The following FN1 variants were observed in gnomAD, a reference collection of about 807,000 sequenced individuals.
The protein encoded by FN1 is fibronectin.
A neutral mutation model predicts 297.3 loss-of-function variants in FN1; 106 were observed. The observed-to-expected ratio is 0.36, with a 90% CI of 0.30 to 0.42. FN1 has a LOEUF of 0.42. FN1 is among the 10% of genes least tolerant of loss of function. The probability of loss-of-function intolerance (pLI) is 1.00; values close to 1 mark genes in which losing one functional copy is unlikely to be tolerated. For synonymous variants in FN1, 1,149 were observed against 1,152.6 expected (o/e 1.00, Z 0.06); for missense variants, 2,690 against 3,124.9 (o/e 0.86, Z 3.32).
chr2:215,363,055 AT>A (rs1026875416), intron 44 of FN1: 25 of 152,286 alleles, frequency 1.6e-4, no homozygotes, highest in African/African-American at 5.5e-4. Context: ...GAATTTAAAT[AT>A]TTTAGACATA....
rs1329739103 is a variant in FN1, at chr2:215,420,800, A to T, written c.1548T>A (p.Asp516Glu). ...AAGTGATGTCATCAACAATGCACTGATCTGTTTAGGAAACAGGTGGGTGAG... is the reference window on the plus strand; with the variant it reads ...AAGTGATGTCATCAACAATGCACTGTTCTGTTTAGGAAACAGGTGGGTGAG... ...WTCIAYSQLR[D>E]QCIVDDITYN... Residue 516 changes from aspartate (D) to glutamate (E), a missense_variant and splice_region_variant, in exon 11 of 46, where the codon GAT becomes GAA. Physicochemically the swap from Asp to Glu is conservative, Grantham distance 45. This residue lies in a region of FN1 where 876 missense variants were observed against 1,058.1 expected (regional missense o/e 0.83). Coordinates refer to ENST00000354785, the MANE Select transcript of FN1 (RefSeq NM_212482.4). 1 of 1,614,052 alleles carries T rather than the reference A, an allele frequency of 6.2e-7. No homozygotes were observed. Among genetic ancestry groups the T allele is most frequent in the Non-Finnish European group, 8.5e-7 (1 of 1,179,902 alleles).
In FN1 at chr2:215,422,002, T is replaced by C. The variant is rs561995632; in HGVS notation, c.1546+89A>G. 3.2e-5 allele frequency: 40 copies of C among 1,234,222 alleles called. No individual in the cohort carries two copies. The African/African-American group carries it at 5.3e-4, about 16-fold the overall frequency. 76.5% of individuals were successfully genotyped at this position (1,234,222 alleles called of 1,614,324 possible). ...TGGCATTCCATATTTCTTCCCCTGC[T>C]TTTGGCATAGTGCAAGTTTTCATAA... On this transcript the variant is annotated intron_variant, in intron 10 of 45. Transcript: ENST00000354785.
chr2:215,392,252 G>A (rs988895878), intron 25 of FN1: 2 of 205,884 alleles, frequency 9.7e-6, no homozygotes, highest in African/African-American at 2.4e-5. Context: ...TAGAGCTACA[G>A]TTCCATTCAG....
chr2:215,418,289 A>G (rs1325259999), intron 12 of FN1, among the ~76,000 whole-genome samples: 1 of 152,186 alleles, frequency 6.6e-6, no homozygotes, highest in East Asian at 1.9e-4. Flanking sequence ...ATCAGCTACA[A>G]TCTTCCCATA....
In FN1 at chr2:215,365,538, C is replaced by T; in HGVS notation, c.7111G>A (p.Gly2371Arg). 2 of 1,614,120 alleles carry T rather than the reference C, an allele frequency of 1.2e-6. No homozygotes were observed. Among genetic ancestry groups the T allele is most frequent in the Non-Finnish European group, 1.7e-6 (2 of 1,179,984 alleles). The change falls in exon 43 of 46, where the codon GGG becomes AGG. Residue 2371 changes from glycine to arginine, a missense_variant. Physicochemically the swap from Gly to Arg is moderately radical, Grantham distance 125. Coordinates refer to ENST00000354785, the MANE Select transcript of FN1 (RefSeq NM_212482.4). ...CACTTGAATTCTCCTTTTCCGTTCC[C>T]AAGACATGTGCAGCTCATCATCTGG... ...NGQMMSCTCL[G>R]NGKGEFKCDP...
Position 215,433,438 on chromosome 2 carries a change from A to T in FN1, c.301T>A (p.Tyr101Asn), listed in dbSNP as rs1490152134. 23 of 1,614,042 alleles carry T rather than the reference A, an allele frequency of 1.4e-5. No individual in the cohort carries two copies. The highest frequency in any genetic ancestry group is 2.7e-5 in the African/African-American group (2 of 74,908). ...CCCACTCGGTAAGTGTTCCCAGTGT[A>T]CTTGTCAAAGCAAGTCTCTTCAGCT... The part of the protein sequence containing the change: ...PEAEETCFDK[Y>N]TGNTYRVGDT... Residue 101 changes from tyrosine to asparagine, a missense_variant, in exon 3 of 46, where the codon TAC becomes AAC. Coordinates refer to ENST00000354785, the MANE Select transcript of FN1 (RefSeq NM_212482.4).
chr2:215,380,323 TTATTTC>T, intron 33 of FN1: 1 of 173,454 alleles, frequency 5.8e-6, no homozygotes, highest in South Asian at 1.4e-4. Context: ...GCCCTATTGA[TTATTTC>T]CTAGGTGTCT....
intron 40 of FN1, 186 bp downstream of exon 40, chr2:215,371,723 G>T (rs1004968103): frequency 7.1e-6 from 4 of 565,658 alleles, no homozygotes; most frequent in Non-Finnish European, 1.3e-5. Context: ...ATGTTGGCCA[G>T]GCTGGTCTTG....
chr2:215,362,952 TC>T (rs1025234264), intron 44 of FN1: 12 of 152,240 alleles, frequency 7.9e-5, no homozygotes, highest in Non-Finnish European at 1.3e-4. Context: ...CTGGGACTGT[TC>T]CATTGTGTGG....
intron 41 of FN1, among the ~76,000 whole-genome samples, chr2:215,369,105 G>A (rs1484269632): frequency 6.6e-6 from 1 of 151,702 alleles, no homozygotes; most frequent in African/African-American, 2.4e-5. Flanking sequence ...TGGGAATAAG[G>A]AGTTTAAAAG....
chr2:215,373,651 G>T (rs187014571), intron 38 of FN1, among the ~76,000 whole-genome samples: 3 of 149,548 alleles, frequency 2.0e-5, no homozygotes, highest in Non-Finnish European at 4.4e-5. Flanking sequence ...ACATTTTTTG[G>T]CTAACTTTTC....
chr2:215,381,416 T>C (rs2058195177), intron 32 of FN1: 1 of 373,106 alleles, frequency 2.7e-6, no homozygotes, highest in African/African-American at 2.1e-5. Flanking sequence ...CTGGATTTTC[T>C]ATACCTTGGA....
At chr2:215,415,277 G>A (rs2063283059) in intron 12 of FN1, among the ~76,000 whole-genome samples, 1 of 152,120 alleles carries the variant, frequency 6.6e-6, no homozygotes, top group Admixed American at 6.6e-5. Context: ...TGAGAAAATT[G>A]TGAAACGATC....
intron 23 of FN1, among the ~76,000 whole-genome samples, chr2:215,396,261 T>G (rs765832273): frequency 2.0e-5 from 3 of 152,196 alleles, no homozygotes; most frequent in Non-Finnish European, 4.4e-5. Flanking sequence ...TAATTGGAAC[T>G]TTTATTTTTG....
At chr2:215,426,496 C>T (rs1242995021) in intron 6 of FN1, among the ~76,000 whole-genome samples, 3 of 152,048 alleles carry the variant, frequency 2.0e-5, no homozygotes, top group African/African-American at 7.2e-5. Context: ...AGGCCAGGGC[C>T]CACCGCAGAA....
Position 215,393,153 on chromosome 2 carries a change from T to C in FN1, c.3847A>G (p.Ile1283Val). 6.2e-7 allele frequency: 1 copy of C among 1,614,030 alleles called. No homozygotes were observed. Among genetic ancestry groups the C allele is most frequent in the Non-Finnish European group, 8.5e-7 (1 of 1,180,004 alleles). The change falls in exon 25 of 46, where the codon ATC (isoleucine) becomes GTC (valine). Residue 1283 changes from isoleucine to valine, a missense_variant. Coordinates refer to ENST00000354785, the MANE Select transcript of FN1 (RefSeq NM_212482.4). ...LSFVDITDSS[I>V]GLRWTPLNSS... Reference sequence around the variant, plus strand: ...TTTAGCGGGGTCCACCTCAGGCCGATGCTTGAATCGGTTATATCAACAAAG... The same window carrying C: ...TTTAGCGGGGTCCACCTCAGGCCGACGCTTGAATCGGTTATATCAACAAAG...
At chr2:215,377,467 C>G (rs57482574) in intron 35 of FN1, among the ~76,000 whole-genome samples, 1,554 of 152,068 alleles carry the variant, frequency 0.01, 23 homozygotes, top group African/African-American at 0.035. Flanking sequence ...GGTCCTCCCC[C>G]CCCAACTCTC....
At chr2:215,429,303 G>C (rs2066044840) in intron 5 of FN1, among the ~76,000 whole-genome samples, 1 of 152,140 alleles carries the variant, frequency 6.6e-6, no homozygotes, top group Admixed American at 6.5e-5. Flanking sequence ...CTGGAAGAGT[G>C]GGATCAACAT....
chr2:215,418,397 C>T (rs766548805), intron 12 of FN1, among the ~76,000 whole-genome samples: 1 of 152,190 alleles, frequency 6.6e-6, no homozygotes, highest in Non-Finnish European at 1.5e-5. Context: ...TCTTTTATCA[C>T]AGAGTTAATC....
Sources: allele counts gnomAD v4.1 joint callset (sites outside exome capture counted in the v4.1 genomes callset), GRCh38; gene constraint gnomAD v4.1.1; regional missense constraint gnomAD v4.1.1; transcripts MANE v1.5; gene names NCBI Gene and HGNC (gene_info 2026-07-23, HGNC 2026-07-21).